The following CSMD1 variants were observed in gnomAD, a reference collection of about 807,000 sequenced individuals.
The protein encoded by CSMD1 is CUB and sushi domain-containing protein 1.
Under a neutral mutation model 417.5 loss-of-function variants are expected in CSMD1, and 213 were observed. The observed-to-expected ratio is 0.51, with a 90% CI of 0.46 to 0.57. The LOEUF (loss-of-function observed/expected upper bound fraction) is 0.57. Among genes scored for constraint, CSMD1 ranks in the 20% least tolerant of loss-of-function variants. The pLI is 0.00. For missense variants in CSMD1, 6,923 were observed against 4,529.7 expected, an observed-to-expected ratio of 1.53 and a Z score of -15.17; for synonymous variants, 2,862 against 1,736.8, an observed-to-expected ratio of 1.65 and a Z score of -16.11.
At chr8:4,933,045 T>A (rs929629544) in intron 1 of CSMD1, among the ~76,000 whole-genome samples, 1 of 152,230 alleles carries the variant, frequency 6.6e-6, no homozygotes, top group Non-Finnish European at 1.5e-5. Flanking sequence ...TCTTTTTAAC[T>A]TCAAGGAATC....
At chr8:4,001,789 G>A (rs561552455) in intron 4 of CSMD1, among the ~76,000 whole-genome samples, 3 of 152,080 alleles carry the variant, frequency 2.0e-5, no homozygotes, top group African/African-American at 7.2e-5. Flanking sequence ...ACAGACAAGT[G>A]GTGAAATTTA....
intron 5 of CSMD1, among the ~76,000 whole-genome samples, chr8:3,929,844 T>C (rs1024340218): frequency 6.0e-5 from 9 of 149,656 alleles, no homozygotes; most frequent in Non-Finnish European, 8.9e-5. Flanking sequence ...GTGTTTTTAG[T>C]AGAGACGCGG....
chr8:3,315,154 C>G (rs76641785), intron 23 of CSMD1, among the ~76,000 whole-genome samples: 2,281 of 152,178 alleles, frequency 0.015, 53 homozygotes, highest in African/African-American at 0.051. Context: ...AAGAATGACT[C>G]TCATGTGAAA....
At chr8:3,678,820 C>A (rs191920641) in intron 7 of CSMD1, among the ~76,000 whole-genome samples, 1 of 152,176 alleles carries the variant, frequency 6.6e-6, no homozygotes, top group South Asian at 2.1e-4. Context: ...GGAAGCCCAT[C>A]AGACTAACAG....
At chr8:4,626,520 G>C (rs1374935406) in intron 2 of CSMD1, among the ~76,000 whole-genome samples, 1 of 152,076 alleles carries the variant, frequency 6.6e-6, no homozygotes. Flanking sequence ...TTGAGAGAAA[G>C]TTATCTGATC....
At position 4,243,417 on chromosome 8, in the gene CSMD1, T is replaced by C. The variant is rs371592748; in HGVS notation, c.415+176536A>G. On this transcript the variant is annotated intron_variant, in intron 3 of 69. Transcript: ENST00000635120. The stretch of plus-strand genomic sequence containing the variant: ...GAATGACTCATCCTCTACTGACCAC[T>C]TTGCTCCTTGTTCCCCTGTAACTGA... 5.2e-4 allele frequency among the ~76,000 whole-genome samples: 79 copies of C among 152,224 alleles called. 3 individuals carry two copies. The South Asian group carries it at 0.016, about 30-fold the overall frequency.
chr8:3,408,253 C>G, intron 13 of CSMD1, 28 bp from the exon 14 acceptor site: 2 of 1,509,366 alleles, frequency 1.3e-6, no homozygotes, highest in South Asian at 2.5e-5. Flanking sequence ...TATTTTCAAA[C>G]AGTTATGCAC....
At chr8:4,733,365 C>A (rs1310427438) in intron 1 of CSMD1, among the ~76,000 whole-genome samples, 2 of 152,138 alleles carry the variant, frequency 1.3e-5, no homozygotes, top group South Asian at 4.1e-4. Context: ...AGCCTTTTAC[C>A]CTAGCAGGTT....
intron 2 of CSMD1, among the ~76,000 whole-genome samples, chr8:4,462,305 A>AAT (rs1361129969): frequency 6.6e-6 from 1 of 152,202 alleles, no homozygotes; most frequent in African/African-American, 2.4e-5. Flanking sequence ...ATAAGTACAA[A>AAT]ATATATATTC....
intron 1 of CSMD1, among the ~76,000 whole-genome samples, chr8:4,979,576 C>T (rs1390473750): frequency 2.0e-5 from 3 of 152,106 alleles, no homozygotes; most frequent in Non-Finnish European, 2.9e-5. Flanking sequence ...TCATTTTTTC[C>T]TTCAATGTAT....
intron 3 of CSMD1, among the ~76,000 whole-genome samples, chr8:4,053,806 C>G (rs1798556709): frequency 6.6e-6 from 1 of 151,982 alleles, no homozygotes; most frequent in Non-Finnish European, 1.5e-5. Flanking sequence ...GTTTAAATGC[C>G]TAAAGCTTTA....
At position 4,831,446 on chromosome 8, in the gene CSMD1, C is replaced by T. The variant is rs144446428; in HGVS notation, c.85+162886G>A. ...AAATATCCATATGCATTATGGAGTA[C>T]ATTCTATGTGCCAAGCATTTTACAC... On this transcript the variant is annotated intron_variant, in intron 1 of 69. Coordinates refer to ENST00000635120, the MANE Select transcript of CSMD1 (RefSeq NM_033225.6). 7.3e-3 allele frequency among the ~76,000 whole-genome samples: 1,108 copies of T among 152,234 alleles called. 15 individuals are homozygous for T. The highest frequency in any genetic ancestry group is 0.025 in the African/African-American group (1,042 of 41,546).
intron 1 of CSMD1, among the ~76,000 whole-genome samples, chr8:4,952,592 T>C (rs1453058508): frequency 3.3e-5 from 5 of 152,096 alleles, no homozygotes; most frequent in Non-Finnish European, 7.4e-5. Flanking sequence ...TATGATTTTG[T>C]ATTTAATTCA....
intron 2 of CSMD1, among the ~76,000 whole-genome samples, chr8:4,435,292 A>T (rs1585069916): frequency 6.6e-6 from 1 of 152,196 alleles, no homozygotes; most frequent in South Asian, 2.1e-4. Context: ...TTCACAAATG[A>T]TTGTTCCACA....
At chr8:4,803,194 C>A (rs1319755979) in intron 1 of CSMD1, among the ~76,000 whole-genome samples, 1 of 152,036 alleles carries the variant, frequency 6.6e-6, no homozygotes, top group Non-Finnish European at 1.5e-5. Context: ...TTGATCCTGG[C>A]CACTTTCCAA....
At chr8:4,382,706 C>T (rs1803182262) in intron 3 of CSMD1, among the ~76,000 whole-genome samples, 1 of 151,694 alleles carries the variant, frequency 6.6e-6, no homozygotes, top group Non-Finnish European at 1.5e-5. Flanking sequence ...TTTGAATTTA[C>T]TGGCTTCTTT....
At chr8:4,201,370 C>G (rs1799634266) in intron 3 of CSMD1, among the ~76,000 whole-genome samples, 1 of 151,882 alleles carries the variant, frequency 6.6e-6, no homozygotes, top group Non-Finnish European at 1.5e-5. Context: ...AACCCCATCT[C>G]TACTAAAAAT....
At chr8:3,783,142 T>C (rs1799269614) in intron 5 of CSMD1, among the ~76,000 whole-genome samples, 1 of 152,224 alleles carries the variant, frequency 6.6e-6, no homozygotes, top group East Asian at 1.9e-4. Context: ...AAGGAGATTA[T>C]TTTTGACAAC....
intron 6 of CSMD1, among the ~76,000 whole-genome samples, chr8:3,719,234 A>C (rs1476806019): frequency 2.0e-5 from 3 of 151,430 alleles, no homozygotes; most frequent in African/African-American, 7.3e-5. Flanking sequence ...CAAGGTGTTC[A>C]CCTTGCAAGG....
Sources: gnomAD v4.1 joint callset for allele counts (sites outside exome capture counted in the v4.1 genomes callset) on GRCh38, gnomAD v4.1.1 for gene constraint, MANE v1.5 for transcripts, NCBI Gene and HGNC (gene_info 2026-07-23, HGNC 2026-07-21) for gene names.